SLC35A1: variants seen among roughly 807,000 people sequenced by gnomAD.
The protein encoded by SLC35A1 is CMP-sialic acid transporter.
Under a neutral mutation model 40.3 loss-of-function variants are expected in SLC35A1, and 21 were observed. The observed-to-expected ratio is 0.52, with a 90% confidence interval of 0.37 to 0.75. The LOEUF (loss-of-function observed/expected upper bound fraction) is 0.75. Among genes scored for constraint, SLC35A1 ranks in the 30% least tolerant of loss-of-function variants. SLC35A1 has a pLI of 0.00. For synonymous variants in SLC35A1, 146 were observed against 147.3 expected (o/e 0.99, Z 0.06); for missense variants, 297 against 382.1 (o/e 0.78, Z 1.86).
intron 2 of SLC35A1, among the ~76,000 whole-genome samples, chr6:87,480,050 C>T (rs1474275947): frequency 6.6e-6 from 1 of 152,204 alleles, no homozygotes; most frequent in African/African-American, 2.4e-5. Context: ...AGTAAAGGTC[C>T]TCCATAATAC....
At chr6:87,506,516 G>C in intron 5 of SLC35A1, 68 bp downstream of exon 5, 1 of 1,218,624 alleles carries the variant, frequency 8.2e-7, no homozygotes, top group Non-Finnish European at 1.2e-6. Flanking sequence ...TTAGACACCA[G>C]TCTAGTTTAT....
In SLC35A1 at chr6:87,477,558, A is replaced by T. The variant is rs376053311; in HGVS notation, c.194+19A>T. On this transcript the variant is annotated intron_variant, in intron 2 of 7. Transcript: ENST00000369552. The stretch of plus-strand genomic sequence containing the variant: ...TAGCTAAGTGAGTATAAATACTTAT[A>T]GTGTGTTAAATTATTTTTCTACCTG... The T allele has an allele frequency of 1.9e-6, 3 of 1,578,154 alleles. No homozygotes were observed. The African/African-American group carries it at 4.0e-5, about 21-fold the overall frequency.
chr6:87,500,059 G>A (rs1466656358), intron 2 of SLC35A1, among the ~76,000 whole-genome samples: 3 of 152,050 alleles, frequency 2.0e-5, no homozygotes, highest in Admixed American at 6.6e-5. Flanking sequence ...CTGAGATAGC[G>A]CCACTGCACT....
At chr6:87,496,789 A>AC (rs1769743576) in intron 2 of SLC35A1, among the ~76,000 whole-genome samples, 17 of 144,236 alleles carry the variant, frequency 1.2e-4, no homozygotes, top group African/African-American at 4.1e-4. Context: ...CAAAAAAAAA[A>AC]AAAAAGAAAA....
intron 2 of SLC35A1, among the ~76,000 whole-genome samples, chr6:87,478,659 A>C (rs1445929521): frequency 2.0e-5 from 3 of 152,226 alleles, no homozygotes; most frequent in Non-Finnish European, 2.9e-5. Context: ...TACCGAGTGA[A>C]AGTGTTGAAA....
At chr6:87,479,156 T>G (rs1769174889) in intron 2 of SLC35A1, among the ~76,000 whole-genome samples, 1 of 152,250 alleles carries the variant, frequency 6.6e-6, no homozygotes, top group Non-Finnish European at 1.5e-5. Flanking sequence ...TACTGATTCT[T>G]CGAAGAGAAA....
intron 3 of SLC35A1, 119 bp downstream of exon 3, chr6:87,500,786 C>A: frequency 2.0e-6 from 2 of 984,494 alleles, no homozygotes; most frequent in Non-Finnish European, 1.5e-6. Context: ...CTCGCTCTTT[C>A]GTCTAGGCTG....
In SLC35A1 at chr6:87,489,651, C is replaced by T. The variant is rs902273130; in HGVS notation, c.195-10857C>T. ...CCGCCTCCAAGGTTCAAGCGATTCTCCTGCCTCAGTCTCCTGACTAGCTGG... is the reference window on the plus strand; with the variant it reads ...CCGCCTCCAAGGTTCAAGCGATTCTTCTGCCTCAGTCTCCTGACTAGCTGG... On this transcript the variant is annotated intron_variant, in intron 2 of 7. Transcript: ENST00000369552. Among the ~76,000 whole-genome samples, 3 of 149,370 alleles carry T rather than the reference C, an allele frequency of 2.0e-5. No individual in the cohort carries two copies. In the Admixed American group the frequency reaches 2.0e-4, roughly 10 times the overall value.
intron 2 of SLC35A1, among the ~76,000 whole-genome samples, chr6:87,494,597 T>G (rs560629800): frequency 6.6e-6 from 1 of 152,048 alleles, no homozygotes; most frequent in African/African-American, 2.4e-5. Context: ...TATTTTTTTT[T>G]GTATTTTTTA....
intron 2 of SLC35A1, among the ~76,000 whole-genome samples, chr6:87,484,685 T>C (rs917889892): frequency 1.6e-5 from 2 of 124,840 alleles, no homozygotes; most frequent in East Asian, 2.4e-4. Context: ...AGCAGGTAAT[T>C]GGAATTAGGG....
intron 2 of SLC35A1, among the ~76,000 whole-genome samples, chr6:87,479,397 A>G (rs6931177): frequency 0.32 from 49,325 of 151,996 alleles, 8,127 homozygotes; most frequent in Admixed American, 0.41. Context: ...CGACAAGAAT[A>G]AGTACACCCA....
intron 2 of SLC35A1, among the ~76,000 whole-genome samples, chr6:87,483,389 G>T (rs192820366): frequency 2.0e-4 from 31 of 152,126 alleles, no homozygotes; most frequent in Admixed American, 1.3e-3. Flanking sequence ...GGGGAGTTCT[G>T]AATATTTTTC....
intron 4 of SLC35A1, among the ~76,000 whole-genome samples, chr6:87,503,250 G>A (rs1769973477): frequency 6.6e-6 from 1 of 152,126 alleles, no homozygotes; most frequent in Admixed American, 6.6e-5. Flanking sequence ...CTGGCTTGAG[G>A]TTGCAGTCAA....
intron 2 of SLC35A1, among the ~76,000 whole-genome samples, chr6:87,481,629 T>G (rs1012650484): frequency 6.6e-6 from 1 of 152,192 alleles, no homozygotes; most frequent in Admixed American, 6.5e-5. Flanking sequence ...AGTGTATTAT[T>G]AATATTAAAC....
At chr6:87,497,522 TGAAAAGTGAGG>T (rs1769769866) in intron 2 of SLC35A1, among the ~76,000 whole-genome samples, 1 of 152,040 alleles carries the variant, frequency 6.6e-6, no homozygotes, top group South Asian at 2.1e-4. Context: ...TCTTTTTATG[TGAAAAGTGAGG>T]GAGAAGTGAT....
intron 7 of SLC35A1, among the ~76,000 whole-genome samples, chr6:87,511,166 G>A (rs1053709538): frequency 8.5e-5 from 13 of 152,062 alleles, no homozygotes; most frequent in Non-Finnish European, 1.5e-4. Context: ...GCATACTCAT[G>A]TTCTAAAAAG....
chr6:87,501,332 A>G (rs967268204), intron 4 of SLC35A1, 22 bp downstream of exon 4: 2 of 1,606,992 alleles, frequency 1.2e-6, no homozygotes, highest in Middle Eastern at 1.7e-4. Flanking sequence ...AATGCACACC[A>G]TAACTTCCCA....
chr6:87,483,066 T>C (rs772522632), intron 2 of SLC35A1, among the ~76,000 whole-genome samples: 6 of 152,198 alleles, frequency 3.9e-5, no homozygotes, highest in Non-Finnish European at 7.4e-5. Flanking sequence ...TGGAGTGTTA[T>C]AGAGTCACGG....
intron 7 of SLC35A1, 84 bp from the exon 8 acceptor site, chr6:87,511,315 T>TA: frequency 2.8e-6 from 4 of 1,432,592 alleles, no homozygotes; most frequent in Non-Finnish European, 3.9e-6. Flanking sequence ...AACCCACAAT[T>TA]AAGAGTTTTC....
Sources: allele counts gnomAD v4.1 joint callset (sites outside exome capture counted in the v4.1 genomes callset), GRCh38; gene constraint gnomAD v4.1.1; transcripts MANE v1.5; gene names NCBI Gene and HGNC (gene_info 2026-07-23, HGNC 2026-07-21).